PIGL: variants seen among roughly 807,000 people sequenced by gnomAD.
PIGL encodes phosphatidylinositol glycan anchor biosynthesis class L.
PIGL carries 22 observed loss-of-function variants against 31.1 expected under a neutral mutation model. That is an observed-to-expected ratio of 0.71 (90% CI 0.51 to 1.01). The LOEUF is 1.01. PIGL is among the 50% of genes least tolerant of loss of function. The probability of loss-of-function intolerance (pLI) is 0.00; values close to 1 mark genes in which losing one functional copy is unlikely to be tolerated. For missense variants in PIGL, 302 were observed against 315.9 expected (o/e 0.96, Z 0.33); for synonymous variants, 131 against 117.4 (o/e 1.12, Z -0.75).
At chr17:16,320,855 G>A (rs1005964931) in intron 6 of PIGL, among the ~76,000 whole-genome samples, 2 of 151,042 alleles carry the variant, frequency 1.3e-5, no homozygotes, top group Non-Finnish European at 2.9e-5. Flanking sequence ...GGCTGGTCTC[G>A]AACTCCTGAC....
chr17:16,300,369 T>TA (rs1388298283), intron 3 of PIGL, among the ~76,000 whole-genome samples: 6 of 152,100 alleles, frequency 3.9e-5, no homozygotes, highest in African/African-American at 1.4e-4. Context: ...TTTCACAGAG[T>TA]ATCATTTTAA....
At chr17:16,286,844 T>C (rs1375385595) in intron 2 of PIGL, among the ~76,000 whole-genome samples, 2 of 152,142 alleles carry the variant, frequency 1.3e-5, no homozygotes, top group Non-Finnish European at 2.9e-5. Context: ...TGACTGATGG[T>C]ACCCCGAACC....
intron 6 of PIGL, among the ~76,000 whole-genome samples, chr17:16,323,609 C>CTTT (rs34518917): frequency 1.4e-4 from 14 of 96,798 alleles, no homozygotes; most frequent in East Asian, 5.3e-4. Context: ...TAACACTGAT[C>CTTT]TTTTTTTTTT....
intron 2 of PIGL, among the ~76,000 whole-genome samples, chr17:16,256,691 T>TTA (rs1416327384): frequency 9.4e-6 from 1 of 105,838 alleles, no homozygotes; most frequent in African/African-American, 4.4e-5. Flanking sequence ...GTTTTGTTTT[T>TTA]TGTGTGTTTG....
intron 2 of PIGL, among the ~76,000 whole-genome samples, chr17:16,264,717 A>G (rs1387236016): frequency 6.6e-6 from 1 of 151,052 alleles, no homozygotes; most frequent in Middle Eastern, 3.4e-3. Flanking sequence ...ACTGCAGGTT[A>G]CTCACTGCAA....
At chr17:16,322,762 T>C (rs1347806072) in intron 6 of PIGL, among the ~76,000 whole-genome samples, 1 of 152,246 alleles carries the variant, frequency 6.6e-6, no homozygotes, top group Non-Finnish European at 1.5e-5. Context: ...CATGAGTCAC[T>C]GGATGCACAT....
rs201714394 is a variant in PIGL at position 16,245,818 on chromosome 17, A to ATTT, written c.335+11749_335+11750insTTT. On this transcript the variant is annotated intron_variant, in intron 2 of 6. Coordinates refer to ENST00000225609, the MANE Select transcript of PIGL (RefSeq NM_004278.4). The stretch of plus-strand genomic sequence containing the variant: ...TACACACACACACATATATATATAT[A>ATTT]TATTTTTTTTTGAGACGGAGTCTCG... Among the ~76,000 whole-genome samples, 79 of 112,808 alleles carry ATTT rather than the reference A, an allele frequency of 7.0e-4. 1 individual carries two copies. Among genetic ancestry groups the ATTT allele is most frequent in the African/African-American group, 2.4e-3 (73 of 30,306 alleles). The allele number at this position is 112,808 out of a possible 152,430, so 74.0% of individuals were successfully genotyped here.
chr17:16,258,174 CT>C lies in PIGL; in HGVS notation c.335+24113del, dbSNP rs145157349. Among the ~76,000 whole-genome samples, 163 of 113,480 alleles carry C rather than the reference CT, an allele frequency of 1.4e-3. 4 individuals are homozygous for C. Among genetic ancestry groups the C allele is most frequent in the African/African-American group, 4.9e-3 (151 of 30,608 alleles). The allele number at this position is 113,480 out of a possible 152,430, so 74.4% of individuals were successfully genotyped here. A position where few individuals can be genotyped will look rare whatever the true frequency, so the allele number is the denominator to read the frequency against. On this transcript the variant is annotated intron_variant, in intron 2 of 6. Transcript: ENST00000225609. ...GAGAGAGAGAAAACTCGGAAGTAGA[CT>C]TTTTTTTTCTTTTTTTTTTTTTTAG...
intron 2 of PIGL, among the ~76,000 whole-genome samples, chr17:16,294,997 A>T (rs1258394132): frequency 6.6e-6 from 1 of 152,218 alleles, no homozygotes; most frequent in Non-Finnish European, 1.5e-5. Flanking sequence ...TACAGTGGGT[A>T]AACAGGTCTC....
At chr17:16,264,444 C>T (rs1376122901) in intron 2 of PIGL, among the ~76,000 whole-genome samples, 1 of 151,894 alleles carries the variant, frequency 6.6e-6, no homozygotes, top group Admixed American at 6.6e-5. Flanking sequence ...CCACACATGG[C>T]CTATATAAAT....
chr17:16,299,323 T>G (rs985929055), intron 2 of PIGL, among the ~76,000 whole-genome samples: 13 of 151,010 alleles, frequency 8.6e-5, no homozygotes, highest in African/African-American at 3.2e-4. Flanking sequence ...GGCGTGGTGG[T>G]GGGTGCCTGT....
chr17:16,253,239 A>C (rs1442172301), intron 2 of PIGL, among the ~76,000 whole-genome samples: 2 of 152,072 alleles, frequency 1.3e-5, no homozygotes, highest in Admixed American at 1.3e-4. Context: ...GGACAACACG[A>C]GGGAAACTCC....
intron 6 of PIGL, among the ~76,000 whole-genome samples, chr17:16,319,621 G>A (rs1048746317): frequency 4.6e-5 from 7 of 152,076 alleles, no homozygotes; most frequent in African/African-American, 9.7e-5. Flanking sequence ...CGGGCGTGGT[G>A]GTGGGCACCT....
At chr17:16,292,751 G>A (rs953491056) in intron 2 of PIGL, among the ~76,000 whole-genome samples, 2 of 152,178 alleles carry the variant, frequency 1.3e-5, no homozygotes, top group African/African-American at 4.8e-5. Context: ...GATGCTATCT[G>A]GGACCGTGTG....
intron 6 of PIGL, among the ~76,000 whole-genome samples, chr17:16,320,763 T>A (rs1415724523): frequency 6.6e-6 from 1 of 151,794 alleles, no homozygotes; most frequent in Non-Finnish European, 1.5e-5. Flanking sequence ...GCCTCTCCAG[T>A]AACTGGGACT....
At chr17:16,258,643 ACAGGCATGCACCAC>A (rs1275619873) in intron 2 of PIGL, among the ~76,000 whole-genome samples, 2 of 152,004 alleles carry the variant, frequency 1.3e-5, no homozygotes, top group African/African-American at 4.8e-5. Flanking sequence ...AGCTAGGATT[ACAGGCATGCACCAC>A]CATGCCCAGC....
intron 3 of PIGL, among the ~76,000 whole-genome samples, chr17:16,310,410 C>T (rs1320557791): frequency 6.6e-6 from 1 of 151,772 alleles, no homozygotes; most frequent in East Asian, 1.9e-4. Context: ...ATCCTTCTAA[C>T]CAGAGTGTTT....
chr17:16,287,158 G>A (rs1469417906), intron 2 of PIGL, among the ~76,000 whole-genome samples: 2 of 152,196 alleles, frequency 1.3e-5, no homozygotes, highest in South Asian at 2.1e-4. Context: ...CCGAGAAGCC[G>A]CAGGCTGGTT....
intron 2 of PIGL, among the ~76,000 whole-genome samples, chr17:16,248,978 G>C (rs972038522): frequency 1.3e-5 from 2 of 152,158 alleles, no homozygotes; most frequent in African/African-American, 2.4e-5. Flanking sequence ...TGGAGGGACA[G>C]AGGGAGACAG....
Sources: allele counts gnomAD v4.1 joint callset (sites outside exome capture counted in the v4.1 genomes callset), GRCh38; gene constraint gnomAD v4.1.1; transcripts MANE v1.5; gene names NCBI Gene and HGNC (gene_info 2026-07-23, HGNC 2026-07-21).